TMPRSS11F: variants seen among roughly 807,000 people sequenced by gnomAD.
The protein encoded by TMPRSS11F is transmembrane protease serine 11F.
Under a neutral mutation model 60.2 loss-of-function variants are expected in TMPRSS11F, and 47 were observed. The ratio of observed to expected loss-of-function variants is 0.78; its 90% CI spans 0.62 to 1.00. The LOEUF is 1.00. Among genes scored for constraint, TMPRSS11F ranks in the 50% least tolerant of loss-of-function variants. The pLI, the probability that TMPRSS11F is intolerant of heterozygous loss-of-function variation, is 0.00. For missense variants in TMPRSS11F, 519 were observed against 522.9 expected (o/e 0.99, Z 0.07); for synonymous variants, 166 against 167.3 (o/e 0.99, Z 0.06).
chr4:68,075,607 T>A (rs1252323473), intron 3 of TMPRSS11F, among the ~76,000 whole-genome samples: 1 of 152,102 alleles, frequency 6.6e-6, no homozygotes, highest in East Asian at 1.9e-4. Context: ...GTGACAAGAT[T>A]AAGCACATTA....
intron 9 of TMPRSS11F, among the ~76,000 whole-genome samples, chr4:68,056,215 T>C (rs977397912): frequency 6.6e-6 from 1 of 152,090 alleles, no homozygotes; most frequent in African/African-American, 2.4e-5. Context: ...GACATTCTAA[T>C]AGAAAAGGAA....
At chr4:68,120,411 C>T (rs1250425322) in intron 1 of TMPRSS11F, among the ~76,000 whole-genome samples, 4 of 121,912 alleles carry the variant, frequency 3.3e-5, no homozygotes, top group Non-Finnish European at 6.4e-5. Context: ...TTTTTTGAGA[C>T]GGAGTCTCGC....
At chr4:68,082,107 A>G (rs1723706714) in intron 3 of TMPRSS11F, among the ~76,000 whole-genome samples, 1 of 152,180 alleles carries the variant, frequency 6.6e-6, no homozygotes, top group East Asian at 1.9e-4. Context: ...ACAGAGGCTG[A>G]AGATGAGGAA....
intron 1 of TMPRSS11F, among the ~76,000 whole-genome samples, chr4:68,128,219 A>G (rs1349368108): frequency 2.6e-5 from 4 of 152,152 alleles, no homozygotes; most frequent in African/African-American, 9.6e-5. Context: ...TCTTATCTTT[A>G]TACACAAGAT....
rs1723495045 is a variant in TMPRSS11F at position 68,072,310 on chromosome 4, A to G, written c.514+13T>C. On this transcript the variant is annotated intron_variant, in intron 5 of 9. Coordinates refer to ENST00000356291, the MANE Select transcript of TMPRSS11F (RefSeq NM_207407.2). ...GGAATGACAAAAGTGGCAAATAAAA[A>G]TAAAAGACTTACGTGTGAGTCTAAA... The G allele has an allele frequency of 1.4e-6, 2 of 1,477,852 alleles. No individual in the cohort carries two copies. The highest frequency in any genetic ancestry group is 1.5e-5 in the South Asian group (1 of 66,758). The allele number at this position is 1,477,852 out of a possible 1,614,324, so 91.5% of individuals were successfully genotyped here.
At chr4:68,115,107 T>C (rs1022372106) in intron 1 of TMPRSS11F, among the ~76,000 whole-genome samples, 1 of 151,044 alleles carries the variant, frequency 6.6e-6, no homozygotes, top group East Asian at 1.9e-4. Flanking sequence ...CCCAGCACTT[T>C]GGGAGGCCGA....
At chr4:68,054,219 TTTTG>T in intron 9 of TMPRSS11F, 152 bp from the exon 10 acceptor site, 1 of 627,856 alleles carries the variant, frequency 1.6e-6, no homozygotes. Flanking sequence ...GAATTAAAAT[TTTTG>T]CTAAACTTTA....
At chr4:68,124,473 A>C (rs1724678396) in intron 1 of TMPRSS11F, among the ~76,000 whole-genome samples, 1 of 152,224 alleles carries the variant, frequency 6.6e-6, no homozygotes, top group Non-Finnish European at 1.5e-5. Flanking sequence ...CGATCATGAC[A>C]GAGCAAAACC....
At chr4:68,091,433 CACTA>C (rs1248343389) in intron 2 of TMPRSS11F, among the ~76,000 whole-genome samples, 3 of 152,044 alleles carry the variant, frequency 2.0e-5, no homozygotes, top group South Asian at 2.1e-4. Flanking sequence ...TGGCCTTACC[CACTA>C]ACTATTTATT....
chr4:68,057,464 C>T (rs917573819), intron 9 of TMPRSS11F, among the ~76,000 whole-genome samples: 3 of 151,866 alleles, frequency 2.0e-5, no homozygotes, highest in Admixed American at 1.3e-4. Context: ...TGAATATTAC[C>T]TCAAAAACTC....
chr4:68,055,112 C>A (rs913951691), intron 9 of TMPRSS11F, among the ~76,000 whole-genome samples: 3 of 152,044 alleles, frequency 2.0e-5, no homozygotes, highest in Non-Finnish European at 4.4e-5. Flanking sequence ...CTGGCAAATG[C>A]AAGGGCCTAA....
At position 68,098,403 on chromosome 4, in the gene TMPRSS11F, A is replaced by G. The variant is rs113491137; in HGVS notation, c.163+484T>C. Among the ~76,000 whole-genome samples the G allele has an allele frequency of 1.4e-3, 209 of 152,300 alleles. 3 individuals are homozygous for G. Among genetic ancestry groups the G allele is most frequent in the African/African-American group, 4.9e-3 (205 of 41,562 alleles). On this transcript the variant is annotated intron_variant, in intron 2 of 9. Transcript: ENST00000356291. ...TATGATACTGACTCTCCATTTTTGCATATATAATTAGGAAGTAATACTGAG... is the reference window on the plus strand; with the variant it reads ...TATGATACTGACTCTCCATTTTTGCGTATATAATTAGGAAGTAATACTGAG...
chr4:68,067,651 C>A (rs899746579), intron 7 of TMPRSS11F, among the ~76,000 whole-genome samples: 2 of 152,176 alleles, frequency 1.3e-5, no homozygotes, highest in African/African-American at 4.8e-5. Flanking sequence ...CCAGTTATTT[C>A]GGTAGTTGTA....
chr4:68,072,643 A>G lies in TMPRSS11F; in HGVS notation c.351-157T>C, dbSNP rs959346222. 2.0e-5 allele frequency among the ~76,000 whole-genome samples: 3 copies of G among 152,244 alleles called. No homozygotes were observed. The South Asian group carries it at 6.2e-4, about 32-fold the overall frequency. On this transcript the variant is annotated intron_variant, in intron 4 of 9. Coordinates refer to ENST00000356291, the MANE Select transcript of TMPRSS11F (RefSeq NM_207407.2). ...GGATACAGAGATTAAAAATGAGTGT[A>G]TAATAACCAGGAAGTGTTGGAAGCA...
intron 3 of TMPRSS11F, among the ~76,000 whole-genome samples, chr4:68,084,475 C>T (rs1243219710): frequency 6.6e-6 from 1 of 152,126 alleles, no homozygotes; most frequent in East Asian, 1.9e-4. Context: ...CAGCAGAAAC[C>T]TTATAAGCCA....
chr4:68,064,145 A>G lies in TMPRSS11F; in HGVS notation c.1015+540T>C, dbSNP rs184616208. Among the ~76,000 whole-genome samples the G allele has an allele frequency of 2.1e-3, 295 of 141,406 alleles. 1 individual carries two copies. Among genetic ancestry groups the G allele is most frequent in the African/African-American group, 7.4e-3 (283 of 38,224 alleles). 92.8% of individuals were successfully genotyped at this position (141,406 alleles called of 152,430 possible). A position where few individuals can be genotyped will look rare whatever the true frequency, so the allele number is the denominator to read the frequency against. ...ACTTTTTTTTTTTTTCCACCGCTCTAGTTGAGCAGTTGAGGAGATTTCTTT... is the reference window on the plus strand; with the variant it reads ...ACTTTTTTTTTTTTTCCACCGCTCTGGTTGAGCAGTTGAGGAGATTTCTTT... On this transcript the variant is annotated intron_variant, in intron 8 of 9. Transcript: ENST00000356291.
At chr4:68,061,164 T>C (rs2109830927) in intron 8 of TMPRSS11F, among the ~76,000 whole-genome samples, 1 of 152,264 alleles carries the variant, frequency 6.6e-6, no homozygotes, top group South Asian at 2.1e-4. Flanking sequence ...TTTCTAAATA[T>C]AAAAACAAAT....
intron 2 of TMPRSS11F, among the ~76,000 whole-genome samples, chr4:68,091,956 T>G (rs1488743703): frequency 6.6e-6 from 1 of 151,836 alleles, no homozygotes; most frequent in Non-Finnish European, 1.5e-5. Flanking sequence ...CCGACTAATT[T>G]TTGTATTTTT....
intron 2 of TMPRSS11F, among the ~76,000 whole-genome samples, chr4:68,093,280 T>C (rs550210032): frequency 7.9e-5 from 12 of 152,286 alleles, no homozygotes; most frequent in Non-Finnish European, 1.0e-4. Flanking sequence ...TACTGAAGCT[T>C]AGTGAAGTAG....
Sources: allele counts gnomAD v4.1 joint callset (sites outside exome capture counted in the v4.1 genomes callset), GRCh38; gene constraint gnomAD v4.1.1; transcripts MANE v1.5; gene names NCBI Gene and HGNC (gene_info 2026-07-23, HGNC 2026-07-21).